The following NRG1 variants were observed in gnomAD, a reference collection of about 807,000 sequenced individuals.
The protein encoded by NRG1 is neuregulin 1.
A neutral mutation model predicts 63.8 loss-of-function variants in NRG1; 18 were observed. That is an observed-to-expected ratio of 0.28 (90% confidence interval 0.19 to 0.42). The LOEUF (loss-of-function observed/expected upper bound fraction) is 0.42, where lower values mean the gene tolerates loss of function less well. NRG1 is among the 10% of genes least tolerant of loss of function. NRG1 has a pLI of 1.00. For synonymous variants in NRG1, 302 were observed against 301.3 expected (o/e 1.00, Z -0.02); for missense variants, 762 against 814.7 (o/e 0.94, Z 0.79).
chr8:32,253,363 C>T (rs1290484816), intron 1 of NRG1, among the ~76,000 whole-genome samples: 1 of 152,104 alleles, frequency 6.6e-6, no homozygotes, highest in African/African-American at 2.4e-5. Flanking sequence ...TGGATACATT[C>T]CATCAATAGG....
chr8:32,065,751 G>C (rs1225477150), intron 1 of NRG1, among the ~76,000 whole-genome samples: 1 of 152,096 alleles, frequency 6.6e-6, no homozygotes, highest in Non-Finnish European at 1.5e-5. Flanking sequence ...GATCCCTGAG[G>C]AATCGCCACC....
chr8:31,848,429 T>C (rs1826892182), intron 1 of NRG1, among the ~76,000 whole-genome samples: 1 of 152,162 alleles, frequency 6.6e-6, no homozygotes, highest in Non-Finnish European at 1.5e-5. Flanking sequence ...TCACCCAGGC[T>C]CCCATTGGTG....
At chr8:32,061,187 C>A (rs1406845099) in intron 1 of NRG1, among the ~76,000 whole-genome samples, 1 of 151,806 alleles carries the variant, frequency 6.6e-6, no homozygotes, top group Non-Finnish European at 1.5e-5. Flanking sequence ...TAATTACATA[C>A]CTAGAGCATC....
chr8:32,184,420 G>A (rs1348840977), intron 1 of NRG1, among the ~76,000 whole-genome samples: 2 of 152,086 alleles, frequency 1.3e-5, no homozygotes, highest in Non-Finnish European at 2.9e-5. Flanking sequence ...TCAAGGCCCA[G>A]CATATACCCC....
At chr8:31,766,834 A>G (rs182678537) in intron 1 of NRG1, among the ~76,000 whole-genome samples, 1 of 152,288 alleles carries the variant, frequency 6.6e-6, no homozygotes, top group Admixed American at 6.5e-5. Context: ...CGAGATTACC[A>G]CTTGTTACGA....
chr8:32,122,418 C>T (rs952136175), intron 1 of NRG1, among the ~76,000 whole-genome samples: 2 of 151,846 alleles, frequency 1.3e-5, no homozygotes, highest in African/African-American at 4.8e-5. Flanking sequence ...TTTTTGGTAT[C>T]CCTCATGACT....
intron 7 of NRG1, among the ~76,000 whole-genome samples, chr8:32,746,175 A>G (rs35491915): frequency 0.061 from 7,649 of 125,724 alleles, 267 homozygotes; most frequent in Non-Finnish European, 0.089. Context: ...TTAAGGAGAA[A>G]GTCTCCGTTA....
intron 1 of NRG1, among the ~76,000 whole-genome samples, chr8:32,135,203 C>G (rs1432996513): frequency 5.3e-5 from 8 of 152,044 alleles, no homozygotes; most frequent in Admixed American, 4.6e-4. Context: ...TATAGCCAGG[C>G]TAAGGTGTTT....
Position 32,503,288 on chromosome 8 carries a change from G to GAAAAAAA in NRG1, c.38-92518_38-92512dup, listed in dbSNP as rs60857610. On this transcript the variant is annotated intron_variant, in intron 1 of 10. Coordinates refer to the NRG1 transcript ENST00000519301. ...GGCTACAGAGCGAGACTCTGTCTCA[G>GAAAAAAA]AAAAAAAAAAAAAAAAAAAAAAAAA... Among the ~76,000 whole-genome samples, 146 of 54,868 alleles carry GAAAAAAA rather than the reference G, an allele frequency of 2.7e-3. 2 individuals carry two copies. Among genetic ancestry groups the GAAAAAAA allele is most frequent in the Non-Finnish European group, 4.1e-3 (121 of 29,594 alleles). 36.0% of individuals were successfully genotyped at this position (54,868 alleles called of 152,430 possible).
intron 1 of NRG1, among the ~76,000 whole-genome samples, chr8:31,727,854 T>C (rs1404302521): frequency 6.6e-6 from 1 of 152,124 alleles, no homozygotes; most frequent in Non-Finnish European, 1.5e-5. Context: ...ATTGTAACAG[T>C]ATACCAACAT....
chr8:31,775,987 T>G (rs573694793), intron 1 of NRG1, among the ~76,000 whole-genome samples: 1 of 152,270 alleles, frequency 6.6e-6, no homozygotes, highest in Non-Finnish European at 1.5e-5. Flanking sequence ...TCTTTGTGTT[T>G]TAAAATGTGT....
chr8:31,692,779 C>T (rs181519293), intron 1 of NRG1, among the ~76,000 whole-genome samples: 1 of 152,214 alleles, frequency 6.6e-6, no homozygotes, highest in Non-Finnish European at 1.5e-5. Context: ...GTGGATGTCT[C>T]AGCGTGGGGA....
intron 1 of NRG1, among the ~76,000 whole-genome samples, chr8:32,131,123 G>T (rs1157248590): frequency 6.6e-6 from 1 of 151,914 alleles, no homozygotes; most frequent in Non-Finnish European, 1.5e-5. Context: ...AGATACATTT[G>T]TTATCAAAAA....
chr8:31,787,020 G>T (rs1820238942), intron 1 of NRG1, among the ~76,000 whole-genome samples: 1 of 152,074 alleles, frequency 6.6e-6, no homozygotes, highest in African/African-American at 2.4e-5. Context: ...CCAGTGACCA[G>T]CCCCCATCCT....
chr8:32,289,886 G>A (rs1013931312), intron 1 of NRG1, among the ~76,000 whole-genome samples: 3 of 152,100 alleles, frequency 2.0e-5, no homozygotes, highest in Non-Finnish European at 1.5e-5. Flanking sequence ...TTTTAAATTG[G>A]AAGCACAATT....
intron 1 of NRG1, among the ~76,000 whole-genome samples, chr8:32,412,461 TATATATATATATATGA>T (rs1815218009): frequency 1.0e-5 from 1 of 99,622 alleles, no homozygotes; most frequent in Non-Finnish European, 2.2e-5. Context: ...TACATATATA[TATATATATATATATGA>T]ACAGATACAT....
At position 32,138,702 on chromosome 8, in the gene NRG1, A is replaced by G. The variant is rs181908385; in HGVS notation, c.38-457126A>G. On this transcript the variant is annotated intron_variant, in intron 1 of 10. Transcript: ENST00000519301. ...CTCAGCCTCCCAAGTAGCTGAGTTTATAGGCGCCCACCACCAAGCGCAGCT... is the reference window on the plus strand; with the variant it reads ...CTCAGCCTCCCAAGTAGCTGAGTTTGTAGGCGCCCACCACCAAGCGCAGCT... Among the ~76,000 whole-genome samples the G allele has an allele frequency of 5.8e-3, 875 of 152,114 alleles. 8 individuals carry two copies. The highest frequency in any genetic ancestry group is 0.02 in the African/African-American group (850 of 41,486).
intron 1 of NRG1, among the ~76,000 whole-genome samples, chr8:32,302,500 A>C (rs190009720): frequency 1.3e-5 from 2 of 152,048 alleles, no homozygotes; most frequent in African/African-American, 4.8e-5. Flanking sequence ...CTATTGCCAC[A>C]GTGGTTTTAT....
At chr8:31,774,584 G>A (rs903889040) in intron 1 of NRG1, among the ~76,000 whole-genome samples, 1 of 151,982 alleles carries the variant, frequency 6.6e-6, no homozygotes, top group African/African-American at 2.4e-5. Flanking sequence ...TGTAGATTCG[G>A]GATATTAATC....
Sources: allele counts gnomAD v4.1 joint callset (sites outside exome capture counted in the v4.1 genomes callset), GRCh38; gene constraint gnomAD v4.1.1; transcripts MANE v1.5; gene names NCBI Gene and HGNC (gene_info 2026-07-23, HGNC 2026-07-21).